The following RBM3 variants were observed in gnomAD, a reference collection of about 807,000 sequenced individuals.
RBM3 encodes RNA binding motif protein 3.
Under a neutral mutation model 12.0 loss-of-function variants are expected in RBM3, and 3 were observed. The ratio of observed to expected loss-of-function variants is 0.25; its 90% confidence interval spans 0.11 to 0.65. The LOEUF (loss-of-function observed/expected upper bound fraction) is 0.65. Among genes scored for constraint, RBM3 ranks in the 30% least tolerant of loss-of-function variants. The pLI is 0.84. For missense variants in RBM3, 108 were observed against 134.5 expected (o/e 0.80, Z 0.97); for synonymous variants, 58 against 45.7 (o/e 1.27, Z -1.08).
rs930124912 is a variant in RBM3 at position 48,577,802 on chromosome X, G to A, written c.*361G>A. On this transcript the variant is annotated 3_prime_UTR_variant, in exon 7 of 7. Coordinates refer to ENST00000376759, the MANE Select transcript of RBM3 (RefSeq NM_006743.5). ...TTCAAAAAATTAATGTGTATCCAGG[G>A]ACATTTTAAAAACCTGTACACAGTG... The A allele has an allele frequency of 1.7e-5, 3 of 180,442 alleles. No homozygotes were observed. Among genetic ancestry groups the A allele is most frequent in the Non-Finnish European group, 3.1e-5 (3 of 97,491 alleles). 14.9% of individuals were successfully genotyped at this position (180,442 alleles called of 1,213,427 possible).
At position 48,578,786 on chromosome X, in the gene RBM3, C is replaced by T. The variant is rs372067903; in HGVS notation, c.*1345C>T. 6.3e-5 allele frequency: 7 copies of T among 111,444 alleles called. No homozygotes were observed. The East Asian group carries it at 8.5e-4, about 14-fold the overall frequency. The allele number at this position is 111,444 out of a possible 1,213,427, so 9.2% of individuals were successfully genotyped here. A position where few individuals can be genotyped will look rare whatever the true frequency, so the allele number is the denominator to read the frequency against. ...TAATCCCTATCATAAATAGTGGTAC[C>T]AGTTCATTCCTTCCCCTGAAATGAT... is the stretch of plus-strand genomic sequence containing the variant. On this transcript the variant is annotated 3_prime_UTR_variant, in exon 7 of 7. Coordinates refer to ENST00000376759, the MANE Select transcript of RBM3 (RefSeq NM_006743.5).
chrX:48,578,767 C>CTATCA lies in RBM3; in HGVS notation c.*1329_*1333dup, dbSNP rs782125131. 23 of 111,601 alleles carry CTATCA rather than the reference C, an allele frequency of 2.1e-4. No individual in the cohort carries two copies. The East Asian group carries it at 6.2e-3, about 30-fold the overall frequency. 9.2% of individuals were successfully genotyped at this position (111,601 alleles called of 1,213,427 possible). A position where few individuals can be genotyped will look rare whatever the true frequency, so the allele number is the denominator to read the frequency against. Reference sequence around the variant, plus strand: ...CTAATCTCATGGCGTGAGCTAATCCCTATCATAAATAGTGGTACCAGTTCA... The same window carrying CTATCA: ...CTAATCTCATGGCGTGAGCTAATCCCTATCATATCATAAATAGTGGTACCAGTTCA... On this transcript the variant is annotated 3_prime_UTR_variant, in exon 7 of 7. Transcript: ENST00000376759.
In RBM3 at chrX:48,577,095, A is replaced by T. The variant is rs1556989500; in HGVS notation, c.*9A>T. 1 of 1,211,864 alleles carries T rather than the reference A, an allele frequency of 8.3e-7. No homozygotes were observed. The highest frequency in any genetic ancestry group is 1.7e-5 in the African/African-American group (1 of 57,827). ...ACAATTATGACAACTGAAATGAGAC[A>T]TGCACATAATATAGGTGAGACTTGG... On this transcript the variant is annotated 3_prime_UTR_variant, in exon 6 of 7. Transcript: ENST00000376759.
intron 3 of RBM3, 63 bp downstream of exon 3, chrX:48,575,730 T>C: frequency 9.4e-7 from 1 of 1,060,019 alleles, no homozygotes; most frequent in Non-Finnish European, 1.3e-6. Flanking sequence ...TTCTTTTTGT[T>C]TTTCCCTCTG....
In RBM3 at chrX:48,577,634, T is replaced by A. The variant is rs967871161; in HGVS notation, c.*193T>A. 86 of 353,465 alleles carry A rather than the reference T, an allele frequency of 2.4e-4. No homozygotes were observed. The highest frequency in any genetic ancestry group is 4.4e-4 in the East Asian group (3 of 6,810). The allele number at this position is 353,465 out of a possible 1,213,427, so 29.1% of individuals were successfully genotyped here. A position where few individuals can be genotyped will look rare whatever the true frequency, so the allele number is the denominator to read the frequency against. On this transcript the variant is annotated 3_prime_UTR_variant, in exon 7 of 7. Coordinates refer to ENST00000376759, the MANE Select transcript of RBM3 (RefSeq NM_006743.5). ...TTTTAGACAGTTCCATCTTTTTTTT[T>A]AAATTTTTTCTGCCTATTTAAAGAC...
intron 2 of RBM3, 88 bp downstream of exon 2, chrX:48,575,371 C>G: frequency 1.1e-6 from 1 of 906,207 alleles, no homozygotes; most frequent in East Asian, 3.4e-5. Context: ...AAAGTTAGGA[C>G]CCACGCCTCC....
At position 48,577,092 on chromosome X, in the gene RBM3, G is replaced by A. The variant is rs782546670; in HGVS notation, c.*6G>A. On this transcript the variant is annotated 3_prime_UTR_variant, in exon 6 of 7. Coordinates refer to ENST00000376759, the MANE Select transcript of RBM3 (RefSeq NM_006743.5). ...GAGACAATTATGACAACTGAAATGA[G>A]ACATGCACATAATATAGGTGAGACT... 1 of 1,209,898 alleles carries A rather than the reference G, an allele frequency of 8.3e-7. No individual in the cohort carries two copies. Among genetic ancestry groups the A allele is most frequent in the East Asian group, 3.0e-5 (1 of 33,802 alleles).
intron 6 of RBM3, 72 bp from the exon 7 acceptor site, chrX:48,577,393 G>T (rs781980147): frequency 5.5e-5 from 47 of 849,409 alleles, no homozygotes; most frequent in Non-Finnish European, 7.5e-5. Flanking sequence ...ATCTTCATCA[G>T]CTCTAGGAGG....
At chrX:48,575,722 C>G (rs1459411655) in intron 3 of RBM3, 55 bp downstream of exon 3, 3 of 1,098,653 alleles carry the variant, frequency 2.7e-6, no homozygotes, top group Non-Finnish European at 3.7e-6. Context: ...TTCCTTCATT[C>G]TTTTTGTTTT....
At position 48,575,557 on chromosome X, in the gene RBM3, A is replaced by C. The variant is rs1556989070; in HGVS notation, c.104-4A>C. 8.3e-7 allele frequency: 1 copy of C among 1,203,095 alleles called. No homozygotes were observed. Among genetic ancestry groups the C allele is most frequent in the Non-Finnish European group, 1.1e-6 (1 of 890,093 alleles). On this transcript the variant is annotated splice_polypyrimidine_tract_variant and splice_region_variant and intron_variant, in intron 2 of 6. Coordinates refer to ENST00000376759, the MANE Select transcript of RBM3 (RefSeq NM_006743.5). ...CATTGCTCCATCTTCTCTCCCTCTCACAGTGGTCGTTGTCAAGGACCGGGA... is the reference window on the plus strand; with the variant it reads ...CATTGCTCCATCTTCTCTCCCTCTCCCAGTGGTCGTTGTCAAGGACCGGGA...
chrX:48,576,299 G>C lies in RBM3; in HGVS notation c.211-15G>C. 1 of 1,205,545 alleles carries C rather than the reference G, an allele frequency of 8.3e-7. No individual in the cohort carries two copies. The highest frequency in any genetic ancestry group is 1.1e-6 in the Non-Finnish European group (1 of 892,688). Reference sequence around the variant, plus strand: ...CTGACTGCCAACCCATCATCCTTGTGTCTCCCACACTTAGTCTCTGGATGG... The same window carrying C: ...CTGACTGCCAACCCATCATCCTTGTCTCTCCCACACTTAGTCTCTGGATGG... On this transcript the variant is annotated splice_polypyrimidine_tract_variant and intron_variant, in intron 3 of 6. Transcript: ENST00000376759.
rs2062095441 is a variant in RBM3 at position 48,579,822 on chromosome X, T to G, written c.*2381T>G. 1 of 111,955 alleles carries G rather than the reference T, an allele frequency of 8.9e-6. No homozygotes were observed. The highest frequency in any genetic ancestry group is 3.2e-5 in the African/African-American group (1 of 30,795). 9.2% of individuals were successfully genotyped at this position (111,955 alleles called of 1,213,427 possible). The stretch of plus-strand genomic sequence containing the variant: ...TCTAAACCTGCTCTGCTCTGCTGTG[T>G]TTACAATGTGCTTTGTGATCATCCA... On this transcript the variant is annotated 3_prime_UTR_variant, in exon 7 of 7. Coordinates refer to ENST00000376759, the MANE Select transcript of RBM3 (RefSeq NM_006743.5).
At chrX:48,576,999 CTT>C in intron 5 of RBM3, 25 bp from the exon 6 acceptor site, 1 of 1,205,820 alleles carries the variant, frequency 8.3e-7, no homozygotes, top group African/African-American at 1.7e-5. Context: ...TACCAGAAAA[CTT>C]TTGTGTGTTT....
rs782735700 is a variant in RBM3, at chrX:48,579,561, C to T, written c.*2120C>T. On this transcript the variant is annotated 3_prime_UTR_variant, in exon 7 of 7. Transcript: ENST00000376759. ...ACCAGGTGGATACTTGGTCTGAGGA[C>T]GCATCTTATTCTGGGCCTTTAGGGA... Among the ~76,000 whole-genome samples the T allele has an allele frequency of 5.4e-5, 6 of 111,583 alleles. No homozygotes were observed. The highest frequency in any genetic ancestry group is 1.6e-4 in the African/African-American group (5 of 30,784).
rs1208403042 is a variant in RBM3 at position 48,581,076 on chromosome X, G to GGC, written c.*3636_*3637insCG. On this transcript the variant is annotated 3_prime_UTR_variant, in exon 7 of 7. Coordinates refer to ENST00000376759, the MANE Select transcript of RBM3 (RefSeq NM_006743.5). The stretch of plus-strand genomic sequence containing the variant: ...GAAGTGCCCTGGATCTGGGGGCGGG[G>GGC]GGGGGCGGGGGGAATGGGTCTTTTC... 2 of 103,798 alleles carry GGC rather than the reference G, an allele frequency of 1.9e-5. No homozygotes were observed. The highest frequency in any genetic ancestry group is 1.0e-4 in the Admixed American group (1 of 9,637). 8.6% of individuals were successfully genotyped at this position (103,798 alleles called of 1,213,427 possible). A position where few individuals can be genotyped will look rare whatever the true frequency, so the allele number is the denominator to read the frequency against.
At chrX:48,575,048 T>G in intron 1 of RBM3, 120 bp from the exon 2 acceptor site, 1 of 530,098 alleles carries the variant, frequency 1.9e-6, no homozygotes, top group Non-Finnish European at 3.2e-6. Flanking sequence ...TAGTTACCCA[T>G]ATTTTGTTCC....
chrX:48,574,502 C>G lies in RBM3; in HGVS notation c.-85C>G. ...ACTCTTTATCAATCGTCTTCCGGCG[C>G]AGCCCCGTCCCTGTTTTTTGTGCTC... On this transcript the variant is annotated 5_prime_UTR_variant, in exon 1 of 7. Coordinates refer to ENST00000376759, the MANE Select transcript of RBM3 (RefSeq NM_006743.5). 2 of 329,192 alleles carry G rather than the reference C, an allele frequency of 6.1e-6. No homozygotes were observed. Among genetic ancestry groups the G allele is most frequent in the Non-Finnish European group, 5.9e-6 (1 of 169,464 alleles). The allele number at this position is 329,192 out of a possible 1,213,427, so 27.1% of individuals were successfully genotyped here.
intron 5 of RBM3, 56 bp from the exon 6 acceptor site, chrX:48,576,970 A>G: frequency 1.7e-6 from 2 of 1,154,467 alleles, no homozygotes; most frequent in Admixed American, 2.3e-5. Flanking sequence ...ATATAATTAC[A>G]GTGGTATATA....
rs2062097609 is a variant in RBM3 at position 48,580,487 on chromosome X, C to G, written c.*3046C>G. Among the ~76,000 whole-genome samples, 1 of 111,413 alleles carries G rather than the reference C, an allele frequency of 9.0e-6. No homozygotes were observed. The highest frequency in any genetic ancestry group is 3.8e-4 in the South Asian group (1 of 2,657). ...TCTCGGCTCACTGTACCCTCCGCCT[C>G]CCAGGTTCAAGCAGTTCTCATGCCT... On this transcript the variant is annotated 3_prime_UTR_variant, in exon 7 of 7. Coordinates refer to ENST00000376759, the MANE Select transcript of RBM3 (RefSeq NM_006743.5).
Sources: gnomAD v4.1 joint callset for allele counts (sites outside exome capture counted in the v4.1 genomes callset) on GRCh38, gnomAD v4.1.1 for gene constraint, MANE v1.5 for transcripts, NCBI Gene and HGNC (gene_info 2026-07-23, HGNC 2026-07-21) for gene names.